Variants in KCNMA1 observed in about 807,000 individuals in gnomAD.
KCNMA1 encodes the protein potassium calcium-activated channel subfamily M alpha 1.
A neutral mutation model predicts 140.0 loss-of-function variants in KCNMA1; 29 were observed. That is an observed-to-expected ratio of 0.21 (90% CI 0.15 to 0.28). The LOEUF (loss-of-function observed/expected upper bound fraction) is 0.28. KCNMA1 is among the 10% of genes least tolerant of loss of function. KCNMA1 has a pLI of 1.00. For synonymous variants in KCNMA1, 612 were observed against 611.9 expected (o/e 1.00, Z 0.00); for missense variants, 880 against 1,602.2 (o/e 0.55, Z 7.70).
chr10:77,272,649 T>C (rs1168257906), intron 2 of KCNMA1, among the ~76,000 whole-genome samples: 5 of 152,000 alleles, frequency 3.3e-5, no homozygotes, highest in East Asian at 1.9e-4. Context: ...TATATATATA[T>C]ACACATGCAT....
chr10:77,507,556 G>T (rs763427385), intron 1 of KCNMA1, among the ~76,000 whole-genome samples: 3 of 152,214 alleles, frequency 2.0e-5, no homozygotes, highest in Non-Finnish European at 4.4e-5. Context: ...ACGCTCCTGG[G>T]TGGCCAGAGT....
intron 23 of KCNMA1, chr10:76,930,294 C>A (rs551959695): frequency 6.6e-6 from 1 of 152,056 alleles, no homozygotes; most frequent in East Asian, 1.9e-4. Context: ...AAATAAATAA[C>A]CTGATTAAGA....
intron 24 of KCNMA1, chr10:76,910,433 C>T: frequency 2.9e-6 from 1 of 345,154 alleles, no homozygotes. Context: ...TTTTGGTAAC[C>T]AAGTCCTTTG....
chr10:76,969,033 T>G (rs1470683670), intron 20 of KCNMA1, among the ~76,000 whole-genome samples: 3 of 152,042 alleles, frequency 2.0e-5, no homozygotes, highest in Non-Finnish European at 4.4e-5. Flanking sequence ...GGGTGAGCAG[T>G]GCAAATCTGA....
chr10:77,281,782 G>C (rs1800337360), intron 2 of KCNMA1, among the ~76,000 whole-genome samples: 1 of 152,190 alleles, frequency 6.6e-6, no homozygotes, highest in Non-Finnish European at 1.5e-5. Flanking sequence ...AAAAAAGCCA[G>C]ACATAAAGGA....
chr10:77,200,196 C>G (rs185821328), intron 3 of KCNMA1, among the ~76,000 whole-genome samples: 4 of 152,284 alleles, frequency 2.6e-5, no homozygotes, highest in Non-Finnish European at 4.4e-5. Context: ...GGTGATCCAC[C>G]TGTCTTGGCC....
intron 3 of KCNMA1, among the ~76,000 whole-genome samples, chr10:77,208,399 C>T (rs1211433775): frequency 3.3e-5 from 5 of 152,254 alleles, no homozygotes; most frequent in Admixed American, 2.6e-4. Context: ...TGAGGCGGGA[C>T]GATCACTTGA....
At chr10:77,399,618 G>A (rs1407242488) in intron 2 of KCNMA1, among the ~76,000 whole-genome samples, 1 of 152,196 alleles carries the variant, frequency 6.6e-6, no homozygotes, top group Non-Finnish European at 1.5e-5. Context: ...TCTGAGATCT[G>A]GAGCCGGGGG....
chr10:77,201,226 G>A (rs2042342492), intron 3 of KCNMA1, among the ~76,000 whole-genome samples: 1 of 152,170 alleles, frequency 6.6e-6, no homozygotes, highest in African/African-American at 2.4e-5. Flanking sequence ...CGTGGTGGGA[G>A]CTCTGTACCC....
intron 2 of KCNMA1, among the ~76,000 whole-genome samples, chr10:77,379,999 T>C (rs933610067): frequency 1.3e-5 from 2 of 152,160 alleles, no homozygotes; most frequent in Non-Finnish European, 1.5e-5. Flanking sequence ...TGAGGTGATG[T>C]AGAAAAATCA....
chr10:76,986,363 G>A (rs561400224), intron 19 of KCNMA1, among the ~76,000 whole-genome samples: 11 of 152,324 alleles, frequency 7.2e-5, no homozygotes, highest in African/African-American at 2.6e-4. Context: ...TAAGGCACAT[G>A]TGTGAAGAGA....
At chr10:77,308,470 T>G (rs1007578323) in intron 2 of KCNMA1, among the ~76,000 whole-genome samples, 2 of 152,146 alleles carry the variant, frequency 1.3e-5, no homozygotes, top group African/African-American at 4.8e-5. Flanking sequence ...CCCTCAAACA[T>G]TAGATGGGCT....
At chr10:77,028,680 A>G (rs2093681556) in intron 15 of KCNMA1, among the ~76,000 whole-genome samples, 2 of 152,130 alleles carry the variant, frequency 1.3e-5, no homozygotes, top group South Asian at 4.1e-4. Flanking sequence ...AGTCAATTTT[A>G]CACTGGCTGT....
chr10:77,329,888 C>T (rs1046543920), intron 2 of KCNMA1, among the ~76,000 whole-genome samples: 1 of 152,058 alleles, frequency 6.6e-6, no homozygotes, highest in East Asian at 1.9e-4. Flanking sequence ...ATACTTAGTT[C>T]ATAAGGTTAT....
Position 77,108,387 on chromosome 10 carries a change from T to G in KCNMA1, c.1223+94A>C. The G allele has an allele frequency of 6.3e-7, 1 of 1,584,196 alleles. No homozygotes were observed. On this transcript the variant is annotated intron_variant, in intron 9 of 27. Transcript: ENST00000286628. This position sits in a 1 kb window ranked among gnomAD's most constrained non-coding sequence, Gnocchi z 4.6. Reference sequence around the variant, plus strand: ...AGCGGGCAAACATTGCCTACATGCATGAAACAAAGAAACAAGAGCCAAAAA... The same window carrying G: ...AGCGGGCAAACATTGCCTACATGCAGGAAACAAAGAAACAAGAGCCAAAAA...
chr10:77,112,823 T>C (rs1256266407), intron 6 of KCNMA1, among the ~76,000 whole-genome samples: 1 of 151,222 alleles, frequency 6.6e-6, no homozygotes, highest in Non-Finnish European at 1.5e-5. Flanking sequence ...TTTTTTCTTC[T>C]CTTCTTCTTG....
chr10:77,150,978 A>G (rs964288647), intron 5 of KCNMA1, among the ~76,000 whole-genome samples: 3 of 152,194 alleles, frequency 2.0e-5, no homozygotes, highest in Non-Finnish European at 4.4e-5. Flanking sequence ...TATAATTATA[A>G]TGTGGCTCTC....
At chr10:77,585,184 A>C (rs1156454879) in intron 1 of KCNMA1, among the ~76,000 whole-genome samples, 1 of 152,192 alleles carries the variant, frequency 6.6e-6, no homozygotes, top group Non-Finnish European at 1.5e-5. Flanking sequence ...CAGGCCACTC[A>C]GACTATCGGG....
intron 27 of KCNMA1, chr10:76,888,245 T>TG: frequency 6.5e-6 from 1 of 152,960 alleles, no homozygotes; most frequent in Admixed American, 6.5e-5. Flanking sequence ...GTGCTGAGGA[T>TG]GGGGTCCAGC....
Sources: gnomAD v4.1 joint callset for allele counts (sites outside exome capture counted in the v4.1 genomes callset) on GRCh38, gnomAD v4.1.1 for gene constraint, Gnocchi (gnomAD v3.1) non-coding constraint, MANE v1.5 for transcripts, NCBI Gene and HGNC (gene_info 2026-07-23, HGNC 2026-07-21) for gene names.